The following STEEP1 variants were observed in gnomAD, a reference collection of about 807,000 sequenced individuals.
STEEP1 encodes STING1 ER exit protein 1.
In STEEP1, 3 loss-of-function variants were observed where a neutral mutation model predicts 19.2. The ratio of observed to expected loss-of-function variants is 0.16; its 90% confidence interval spans 0.07 to 0.40. The LOEUF (loss-of-function observed/expected upper bound fraction) is 0.40, where lower values mean the gene tolerates loss of function less well. Ranked by LOEUF, STEEP1 falls within the 10% of genes least tolerant of loss-of-function variation. The pLI is 0.99. For synonymous variants in STEEP1, 46 were observed against 63.7 expected (o/e 0.72, Z 1.32); for missense variants, 54 against 177.1 (o/e 0.30, Z 3.94).
rs193141476 is a variant in STEEP1, at chrX:119,541,254, C to T, written c.606+74G>A. 456 of 613,815 alleles carry T rather than the reference C, an allele frequency of 7.4e-4. 5 individuals are homozygous for T. In the East Asian group the frequency reaches 0.014, roughly 19 times the overall value. 50.6% of individuals were successfully genotyped at this position (613,815 alleles called of 1,213,427 possible). ...ACAGATTTCCTAAAAGATTTCCCTG[C>T]CTGCTGAAAGGTCTTTCAGACCAAG... On this transcript the variant is annotated intron_variant, in intron 6 of 6. Transcript: ENST00000644802.
chrX:119,540,399 A>G, intron 6 of STEEP1, among the ~76,000 whole-genome samples: 1 of 111,735 alleles, frequency 8.9e-6, no homozygotes, highest in Non-Finnish European at 1.9e-5. Flanking sequence ...CTAAACGACT[A>G]TGGCAAGGTA....
chrX:119,540,772 G>A (rs768391042), intron 6 of STEEP1, among the ~76,000 whole-genome samples: 8 of 112,560 alleles, frequency 7.1e-5, no homozygotes, highest in South Asian at 3.6e-4. Context: ...CTGGCCTGGC[G>A]TGGTGGCTCA....
At chrX:119,557,172 A>AG (rs1569401182) in intron 2 of STEEP1, among the ~76,000 whole-genome samples, 1 of 106,623 alleles carries the variant, frequency 9.4e-6, no homozygotes, top group South Asian at 4.1e-4. Flanking sequence ...AAAAAAAAAA[A>AG]AGAAAAGAAA....
chrX:119,542,675 T>C, intron 4 of STEEP1, 81 bp from the exon 5 acceptor site: 2 of 613,223 alleles, frequency 3.3e-6, no homozygotes, highest in South Asian at 2.7e-5. Context: ...CACACGCCTG[T>C]GTGAGGGGCT....
At chrX:119,544,894 T>C (rs977750939) in intron 3 of STEEP1, among the ~76,000 whole-genome samples, 8 of 109,584 alleles carry the variant, frequency 7.3e-5, no homozygotes, top group African/African-American at 2.0e-4. Context: ...TGAGTGGAGA[T>C]CATGCCACTG....
chrX:119,545,541 A>C lies in STEEP1; in HGVS notation c.243-37T>G, dbSNP rs141334748. The C allele has an allele frequency of 4.2e-3, 4,149 of 989,423 alleles. 70 individuals are homozygous for C. The East Asian group carries it at 0.059, about 14-fold the overall frequency. 81.5% of individuals were successfully genotyped at this position (989,423 alleles called of 1,213,427 possible). ...ATGGAAGTTAAAAAGATATGAACAA[A>C]TCTCATTATGTATCAACCTTACTAT... On this transcript the variant is annotated intron_variant, in intron 2 of 6. Transcript: ENST00000644802.
intron 2 of STEEP1, among the ~76,000 whole-genome samples, chrX:119,551,795 C>T (rs2147352317): frequency 9.0e-6 from 1 of 111,133 alleles, no homozygotes; most frequent in South Asian, 3.8e-4. Context: ...CAATTCAGTT[C>T]TGACACTGTC....
chrX:119,545,497 C>T lies in STEEP1; in HGVS notation c.250G>A (p.Gly84Ser), dbSNP rs1163730900. The T allele has an allele frequency of 8.5e-7, 1 of 1,173,450 alleles. No homozygotes were observed. ...TTCTTCCTGTACTGTCGTTCAATGC[C>T]TTCAGGTCTGCACAGAAAATGGAAG... ...EETMYLRRPE[G>S]IERQYRKKCA... The change falls in exon 3 of 7, where the codon GGC (glycine) becomes AGC (serine). Residue 84 changes from glycine (G) to serine (S), a missense_variant. Gly to Ser is a moderately conservative substitution (Grantham distance 56). Around this residue, in one of 2 missense-constraint regions of STEEP1, gnomAD observed 47 missense variants for 118.5 expected, o/e 0.40. Coordinates refer to ENST00000644802, the MANE Select transcript of STEEP1 (RefSeq NM_022101.4).
chrX:119,538,448 CAG>C lies in STEEP1; in HGVS notation c.*1277_*1278del, dbSNP rs2053138544. On this transcript the variant is annotated 3_prime_UTR_variant, in exon 7 of 7. Transcript: ENST00000644802. ...TTTTTTTTTTTTTTTTTTGTAGAGA[CAG>C]AGTCTCACTCTGTCGCCCAGGCTGG... 1 of 83,226 alleles carries C rather than the reference CAG, an allele frequency of 1.2e-5. No homozygotes were observed. Among genetic ancestry groups the C allele is most frequent in the African/African-American group, 4.7e-5 (1 of 21,329 alleles). 6.9% of individuals were successfully genotyped at this position (83,226 alleles called of 1,213,427 possible).
At chrX:119,553,792 G>C (rs1189771397) in intron 2 of STEEP1, among the ~76,000 whole-genome samples, 2 of 111,730 alleles carry the variant, frequency 1.8e-5, no homozygotes, top group East Asian at 2.8e-4. Flanking sequence ...AAAACACATA[G>C]AAATATCAAA....
chrX:119,545,380 A>T, intron 3 of STEEP1, 83 bp downstream of exon 3: 1 of 580,005 alleles, frequency 1.7e-6, no homozygotes, highest in Non-Finnish European at 2.9e-6. Flanking sequence ...CATAATGGAG[A>T]GTTGTATCCA....
Position 119,553,790 on chromosome X carries a change from T to C in STEEP1, c.242+6478A>G, listed in dbSNP as rs191439636. 4.5e-3 allele frequency among the ~76,000 whole-genome samples: 499 copies of C among 111,812 alleles called. 2 individuals are homozygous for C. Among genetic ancestry groups the C allele is most frequent in the African/African-American group, 0.015 (455 of 30,815 alleles). ...CGTAAGTTCAAGCTTTCAAAACACA[T>C]AGAAATATCAAATAAATGGGGCCGC... On this transcript the variant is annotated intron_variant, in intron 2 of 6. Transcript: ENST00000644802.
chrX:119,555,439 G>A (rs2053272622), intron 2 of STEEP1, among the ~76,000 whole-genome samples: 1 of 110,948 alleles, frequency 9.0e-6, no homozygotes, highest in Non-Finnish European at 1.9e-5. Context: ...TCCCCACTCA[G>A]AGCAGCTTTC....
At position 119,538,829 on chromosome X, in the gene STEEP1, C is replaced by T. The variant is rs746024562; in HGVS notation, c.*898G>A. The T allele has an allele frequency of 9.0e-6, 1 of 111,331 alleles. No homozygotes were observed. Among genetic ancestry groups the T allele is most frequent in the East Asian group, 2.8e-4 (1 of 3,526 alleles). 9.2% of individuals were successfully genotyped at this position (111,331 alleles called of 1,213,427 possible). A position where few individuals can be genotyped will look rare whatever the true frequency, so the allele number is the denominator to read the frequency against. ...GCTTTTCCTTCTTTGAGTATAAAGT[C>T]GATACGGGATGGCTCGCCTACAGCT... On this transcript the variant is annotated 3_prime_UTR_variant, in exon 7 of 7. Coordinates refer to ENST00000644802, the MANE Select transcript of STEEP1 (RefSeq NM_022101.4).
At chrX:119,561,895 G>A (rs1265954790) in intron 1 of STEEP1, among the ~76,000 whole-genome samples, 2 of 111,696 alleles carry the variant, frequency 1.8e-5, no homozygotes, top group African/African-American at 6.5e-5. Context: ...AGGAACTGAG[G>A]TTAAAAAGGG....
At chrX:119,564,821 G>A (rs1023247805) in intron 1 of STEEP1, among the ~76,000 whole-genome samples, 1 of 111,500 alleles carries the variant, frequency 9.0e-6, no homozygotes, top group African/African-American at 3.3e-5. Flanking sequence ...GTTATAGCTG[G>A]AGGGGAATAC....
intron 5 of STEEP1, among the ~76,000 whole-genome samples, chrX:119,542,134 T>G (rs1252378491): frequency 9.8e-6 from 1 of 102,470 alleles, no homozygotes; most frequent in Non-Finnish European, 2.0e-5. Context: ...TGGCGCAATC[T>G]CGGTTCACTG....
chrX:119,543,066 G>A (rs1271835202), intron 4 of STEEP1, among the ~76,000 whole-genome samples: 1 of 104,477 alleles, frequency 9.6e-6, no homozygotes, highest in African/African-American at 3.5e-5. Context: ...AACGCTTAAT[G>A]TCTCAGGCTT....
At chrX:119,564,645 A>C (rs2053345273) in intron 1 of STEEP1, among the ~76,000 whole-genome samples, 1 of 111,976 alleles carries the variant, frequency 8.9e-6, no homozygotes, top group Non-Finnish European at 1.9e-5. Flanking sequence ...TTGATAACTG[A>C]CCACTAGAAC....
Sources: allele counts gnomAD v4.1 joint callset (sites outside exome capture counted in the v4.1 genomes callset), GRCh38; gene constraint gnomAD v4.1.1; regional missense constraint gnomAD v4.1.1; transcripts MANE v1.5; gene names NCBI Gene and HGNC (gene_info 2026-07-23, HGNC 2026-07-21).